Variants in BTD observed in about 807,000 individuals in gnomAD.
BTD encodes the protein biotinidase.
A neutral mutation model predicts 17.7 loss-of-function variants in BTD; 13 were observed. The observed-to-expected ratio is 0.74, with a 90% CI of 0.48 to 1.17. BTD has a LOEUF of 1.17. Ranked by LOEUF, BTD falls within the 50% of genes most tolerant of loss-of-function variation. The pLI, the probability that BTD is intolerant of heterozygous loss-of-function variation, is 0.00. For synonymous variants in BTD, 240 were observed against 245.2 expected (o/e 0.98, Z 0.20); for missense variants, 674 against 650.4 (o/e 1.04, Z -0.39).
At chr3:15,603,224 C>A (rs1390556090) in intron 1 of BTD, among the ~76,000 whole-genome samples, 1 of 152,176 alleles carries the variant, frequency 6.6e-6, no homozygotes, top group African/African-American at 2.4e-5. Context: ...ATATCATATC[C>A]TCACATTTCA....
chr3:15,696,322 A>G, intron 3 of BTD: 1 of 922,692 alleles, frequency 1.1e-6, no homozygotes, highest in South Asian at 1.7e-5. Context: ...ACTGAAATTA[A>G]AAACTGACAA....
At position 15,623,363 on chromosome 3, in the gene BTD, G is replaced by A. The variant is rs149919499; in HGVS notation, c.-16-12061G>A. Among the ~76,000 whole-genome samples, 831 of 152,224 alleles carry A rather than the reference G, an allele frequency of 5.5e-3. 5 individuals carry two copies. The highest frequency in any genetic ancestry group is 0.018 in the African/African-American group (754 of 41,524). ...TTTTTATCTACTGTAATGATCTCTTGTTTCGAATTGATATATTTATACCAT... is the reference window on the plus strand; with the variant it reads ...TTTTTATCTACTGTAATGATCTCTTATTTCGAATTGATATATTTATACCAT... On this transcript the variant is annotated intron_variant, in intron 1 of 3. Coordinates refer to ENST00000643237, the MANE Select transcript of BTD (RefSeq NM_001370658.1).
At chr3:15,713,457 C>G, downstream of BTD, 1 of 1,189,120 alleles carries the variant, frequency 8.4e-7, no homozygotes, top group Admixed American at 2.2e-5. Context: ...CGTGAAATGT[C>G]TAGAAAACTG....
intron 3 of BTD, among the ~76,000 whole-genome samples, chr3:15,704,606 G>C (rs1054582667): frequency 6.6e-6 from 1 of 152,080 alleles, no homozygotes; most frequent in Non-Finnish European, 1.5e-5. Context: ...TTTCATTGTT[G>C]CTTTGGCAGA....
intron 1 of BTD, among the ~76,000 whole-genome samples, chr3:15,612,686 AATT>A (rs2064671614): frequency 7.1e-6 from 1 of 140,916 alleles, no homozygotes; most frequent in Admixed American, 7.4e-5. Flanking sequence ...TTACATCTTT[AATT>A]TTTTTTTTTT....
intron 1 of BTD, among the ~76,000 whole-genome samples, chr3:15,604,776 CCA>C (rs1274414278): frequency 6.6e-6 from 1 of 152,200 alleles, no homozygotes; most frequent in Non-Finnish European, 1.5e-5. Flanking sequence ...GGGCAAAATG[CCA>C]CTAGTCTCTT....
At chr3:15,612,982 C>G (rs1304495659) in intron 1 of BTD, among the ~76,000 whole-genome samples, 3 of 152,206 alleles carry the variant, frequency 2.0e-5, no homozygotes, top group African/African-American at 2.4e-5. Flanking sequence ...TCTTCAAGGT[C>G]AGCCGGGGAG....
chr3:15,696,328 G>C, intron 3 of BTD: 2 of 889,438 alleles, frequency 2.2e-6, no homozygotes, highest in Non-Finnish European at 3.4e-6. Context: ...ATTAAAAACT[G>C]ACAATTTTTC....
chr3:15,601,391 T>A, upstream of BTD: 1 of 1,614,152 alleles, frequency 6.2e-7, no homozygotes, highest in East Asian at 2.2e-5. Flanking sequence ...ACTTGCGTTT[T>A]CAGGGCCTGA....
At chr3:15,688,232 AGATT>A (rs1436954429) in intron 3 of BTD, among the ~76,000 whole-genome samples, 1 of 152,230 alleles carries the variant, frequency 6.6e-6, no homozygotes, top group African/African-American at 2.4e-5. Context: ...TTCTAGCTAT[AGATT>A]AATATTTTTA....
intron 3 of BTD, chr3:15,685,200 T>C (rs375143793): frequency 3.8e-6 from 6 of 1,587,854 alleles, no homozygotes; most frequent in Non-Finnish European, 4.3e-6. Flanking sequence ...TACACAATGA[T>C]ATGCATTTGT....
At chr3:15,694,620 CATG>C in intron 3 of BTD, 1 of 628,798 alleles carries the variant, frequency 1.6e-6, no homozygotes, top group Non-Finnish European at 2.6e-6. Flanking sequence ...GTTTTAATTC[CATG>C]ATAACTATTA....
intron 3 of BTD, among the ~76,000 whole-genome samples, chr3:15,659,310 G>C (rs1285120279): frequency 1.3e-5 from 2 of 151,494 alleles, no homozygotes; most frequent in Non-Finnish European, 2.9e-5. Context: ...GTGTGGGGGG[G>C]ATAATAAGGC....
In BTD at chr3:15,690,505, G is replaced by C. The variant is rs547930750; in HGVS notation, c.400-19555G>C. On this transcript the variant is annotated intron_variant, in intron 3 of 3. Transcript: ENST00000672141. ...CTTGGCTCACGGCAGACATTCAATG[G>C]ATGTGTGACACGGATTCATTTAAAG... Among the ~76,000 whole-genome samples, 12 of 152,280 alleles carry C rather than the reference G, an allele frequency of 7.9e-5. No individual in the cohort carries two copies. The East Asian group carries it at 1.9e-3, about 24-fold the overall frequency.
At chr3:15,682,387 A>C (rs899182342) in intron 3 of BTD, among the ~76,000 whole-genome samples, 13 of 152,112 alleles carry the variant, frequency 8.5e-5, no homozygotes, top group Non-Finnish European at 1.8e-4. Context: ...CCCCTTTGTG[A>C]CCTCCAGAAA....
chr3:15,620,326 C>G (rs1210160645), intron 1 of BTD, among the ~76,000 whole-genome samples: 1 of 152,114 alleles, frequency 6.6e-6, no homozygotes, highest in Non-Finnish European at 1.5e-5. Context: ...TAGACCTCCC[C>G]CCAGGAGCGC....
chr3:15,631,347 T>C lies in BTD; in HGVS notation c.-16-4077T>C. On this transcript the variant is annotated intron_variant, in intron 1 of 3. Transcript: ENST00000643237. ...ATTAAAAAGATGTTTTATTTATCTT[T>C]TAAAGATTTTTTAATGTATGTATCT... 3 of 967,056 alleles carry C rather than the reference T, an allele frequency of 3.1e-6. No individual in the cohort carries two copies. In the South Asian group the frequency reaches 5.4e-5, roughly 18 times the overall value. The allele number at this position is 967,056 out of a possible 1,614,324, so 59.9% of individuals were successfully genotyped here. A position where few individuals can be genotyped will look rare whatever the true frequency, so the allele number is the denominator to read the frequency against.
chr3:15,704,596 T>C (rs934740182), intron 3 of BTD, among the ~76,000 whole-genome samples: 3 of 152,196 alleles, frequency 2.0e-5, no homozygotes, highest in African/African-American at 7.2e-5. Context: ...TTAGAAAATA[T>C]TTCATTGTTG....
At chr3:15,671,689 T>C (rs2066377394) in intron 3 of BTD, among the ~76,000 whole-genome samples, 1 of 151,686 alleles carries the variant, frequency 6.6e-6, no homozygotes, top group Non-Finnish European at 1.5e-5. Context: ...GTTCAAGTGA[T>C]TCACCTGCCT....
Sources: allele counts gnomAD v4.1 joint callset (sites outside exome capture counted in the v4.1 genomes callset), GRCh38; gene constraint gnomAD v4.1.1; transcripts MANE v1.5; gene names NCBI Gene and HGNC (gene_info 2026-07-23, HGNC 2026-07-21).